The following TKT variants were observed in gnomAD, a reference collection of about 807,000 sequenced individuals.
The protein encoded by TKT is transketolase, also known as epididymis luminal protein 107.
Under a neutral mutation model 63.9 loss-of-function variants are expected in TKT, and 47 were observed. The observed-to-expected ratio is 0.74, with a 90% CI of 0.58 to 0.94. The LOEUF (loss-of-function observed/expected upper bound fraction) is 0.94. Ranked by LOEUF, TKT falls within the 40% of genes least tolerant of loss-of-function variation. The probability of loss-of-function intolerance (pLI) is 0.00; values close to 1 mark genes in which losing one functional copy is unlikely to be tolerated. For synonymous variants in TKT, 338 were observed against 334.1 expected (o/e 1.01, Z -0.13); for missense variants, 721 against 846.2 (o/e 0.85, Z 1.84).
rs1248539472 is a variant in TKT at position 53,225,498 on chromosome 3, G to A, written c.*258C>T. 1 of 354,994 alleles carries A rather than the reference G, an allele frequency of 2.8e-6. No homozygotes were observed. The highest frequency in any genetic ancestry group is 4.5e-5 in the East Asian group (1 of 22,262). The allele number at this position is 354,994 out of a possible 1,614,324, so 22.0% of individuals were successfully genotyped here. On this transcript the variant is annotated 3_prime_UTR_variant, in exon 14 of 14. Transcript: ENST00000462138. Reference sequence around the variant, plus strand: ...GCAGCGATAGTTCTGGAGGTTGAGGGCAGTTGCAGGTGATTCCAAGGGGAC... The same window carrying A: ...GCAGCGATAGTTCTGGAGGTTGAGGACAGTTGCAGGTGATTCCAAGGGGAC...
intron 1 of TKT, among the ~76,000 whole-genome samples, chr3:53,251,469 G>A (rs1311648584): frequency 8.5e-5 from 13 of 152,134 alleles, no homozygotes; most frequent in African/African-American, 2.2e-4. Flanking sequence ...CACTGTGGGC[G>A]CTGCCTCAAC....
chr3:53,244,809 G>A (rs1019051913), intron 1 of TKT, among the ~76,000 whole-genome samples: 3 of 151,494 alleles, frequency 2.0e-5, no homozygotes, highest in African/African-American at 2.4e-5. Context: ...TGAGGAGCAC[G>A]GTGGAGGGGC....
rs574324825 is a variant in TKT at position 53,240,126 on chromosome 3, C to T, written c.437+125G>A. 47 of 832,822 alleles carry T rather than the reference C, an allele frequency of 5.6e-5. No homozygotes were observed. The Middle Eastern group carries it at 1.1e-3, about 20-fold the overall frequency. The allele number at this position is 832,822 out of a possible 1,614,324, so 51.6% of individuals were successfully genotyped here. ...GATGTTTAAAGAGCAAAAGAGGCCA[C>T]GCATATGTATTACTCTGCCCTAGCC... On this transcript the variant is annotated intron_variant, in intron 4 of 13. Transcript: ENST00000462138.
intron 5 of TKT, 118 bp from the exon 6 acceptor site, chr3:53,233,392 C>T (rs1404456558): frequency 4.3e-5 from 28 of 652,618 alleles, no homozygotes; most frequent in Admixed American, 2.2e-4. Context: ...CCCACAACTG[C>T]GGCCTCAGCT....
At chr3:53,240,028 C>T (rs1705200616) in intron 4 of TKT, among the ~76,000 whole-genome samples, 1 of 152,220 alleles carries the variant, frequency 6.6e-6, no homozygotes, top group African/African-American at 2.4e-5. Flanking sequence ...GCTGAGGGAC[C>T]CAGGGCAGGT....
chr3:53,232,619 G>A (rs1039542017), intron 6 of TKT: 4 of 398,248 alleles, frequency 1.0e-5, no homozygotes, highest in Middle Eastern at 6.2e-4. Flanking sequence ...GCCAGGGAGT[G>A]ACTTACGCCT....
chr3:53,240,426 AC>A (rs1241804706), intron 3 of TKT, 78 bp from the exon 4 acceptor site: 7 of 1,382,172 alleles, frequency 5.1e-6, no homozygotes, highest in Non-Finnish European at 7.0e-6. Context: ...CCACACTCCC[AC>A]CCAGCCCAGC....
At position 53,244,751 on chromosome 3, in the gene TKT, G is replaced by A. The variant is rs139668847; in HGVS notation, c.108-2509C>T. Among the ~76,000 whole-genome samples, 912 of 152,120 alleles carry A rather than the reference G, an allele frequency of 6.0e-3. 14 individuals are homozygous for A. The highest frequency in any genetic ancestry group is 0.021 in the African/African-American group (857 of 41,476). ...CAACTGCAGGTGGACGCCCCATCCC[G>A]TGGTGCTGTGTGTGACAACTCTGGG... is the stretch of plus-strand genomic sequence containing the variant. On this transcript the variant is annotated intron_variant, in intron 1 of 13. Coordinates refer to ENST00000462138, the MANE Select transcript of TKT (RefSeq NM_001064.4).
chr3:53,249,575 ACT>A (rs1470370430), intron 1 of TKT, among the ~76,000 whole-genome samples: 3 of 152,186 alleles, frequency 2.0e-5, no homozygotes, highest in African/African-American at 7.2e-5. Flanking sequence ...ACAGAGCGAG[ACT>A]CTGTCAAACA....
chr3:53,252,636 G>T (rs782511595), intron 1 of TKT, among the ~76,000 whole-genome samples: 1 of 152,062 alleles, frequency 6.6e-6, no homozygotes, highest in South Asian at 2.1e-4. Context: ...GAGGGGTAAC[G>T]GCGGTGAGGA....
chr3:53,231,775 T>C, intron 6 of TKT: 2 of 548,308 alleles, frequency 3.6e-6, no homozygotes, highest in South Asian at 2.5e-5. Context: ...TGCCTGGTCC[T>C]TTGGGAGCTC....
intron 4 of TKT, 129 bp downstream of exon 4, chr3:53,240,122 G>T: frequency 1.2e-6 from 1 of 800,232 alleles, no homozygotes; most frequent in Non-Finnish European, 1.9e-6. Flanking sequence ...AGCAAAAGAG[G>T]CCACGCATAT....
At chr3:53,244,656 C>A (rs1553680593) in intron 1 of TKT, among the ~76,000 whole-genome samples, 1 of 152,120 alleles carries the variant, frequency 6.6e-6, no homozygotes, top group African/African-American at 2.4e-5. Context: ...CCTTTGGGGC[C>A]AAAGGCATAC....
At position 53,235,185 on chromosome 3, in the gene TKT, A is replaced by G. The variant is rs200667011; in HGVS notation, c.438-11T>C. On this transcript the variant is annotated splice_polypyrimidine_tract_variant and intron_variant, in intron 4 of 13. Transcript: ENST00000462138. Reference sequence around the variant, plus strand: ...CAATAGACTCGGTAGCTGTGGACAGAGAGTGAATCAGGCCAGTCCCTCTCA... The same window carrying G: ...CAATAGACTCGGTAGCTGTGGACAGGGAGTGAATCAGGCCAGTCCCTCTCA... The G allele has an allele frequency of 2.0e-5, 32 of 1,601,836 alleles. No homozygotes were observed. The African/African-American group carries it at 3.6e-4, about 18-fold the overall frequency.
Position 53,228,073 on chromosome 3 carries a change from G to A in TKT, c.1556C>T (p.Ala519Val), listed in dbSNP as rs563972492. 1 of 1,612,852 alleles carries A rather than the reference G, an allele frequency of 6.2e-7. No homozygotes were observed. Among genetic ancestry groups the A allele is most frequent in the African/African-American group, 1.3e-5 (1 of 75,026 alleles). Residue 519 changes from alanine (A) to valine (V), a missense_variant, in exon 12 of 14, where the codon GCC (alanine) becomes GTC (valine). Physicochemically the swap from Ala to Val is moderately conservative, Grantham distance 64. Transcript: ENST00000462138. ...GVTLHEALAA[A>V]ELLKKEKINI... ...CTCCTCACCTTTCTTCAGCAGTTCG[G>A]CAGCGGCCAAGGCCTCGTGCAGGGT...
chr3:53,228,255 T>C, intron 11 of TKT, 21 bp downstream of exon 11: 2 of 1,614,108 alleles, frequency 1.2e-6, no homozygotes, highest in Non-Finnish European at 1.7e-6. Context: ...TGTGGGCTCC[T>C]GGGGCATGCG....
At chr3:53,252,767 G>A (rs1705812481) in intron 1 of TKT, among the ~76,000 whole-genome samples, 1 of 151,970 alleles carries the variant, frequency 6.6e-6, no homozygotes, top group Non-Finnish European at 1.5e-5. Flanking sequence ...AATATCCACC[G>A]CGGCTGTACC....
At chr3:53,235,982 C>A (rs1241657190) in intron 4 of TKT, among the ~76,000 whole-genome samples, 4 of 35,050 alleles carry the variant, frequency 1.1e-4, no homozygotes, top group African/African-American at 2.4e-4. Flanking sequence ...AGAGGGACGG[C>A]AGCAACAGAC....
At chr3:53,232,221 A>G in intron 6 of TKT, 1 of 398,030 alleles carries the variant, frequency 2.5e-6, no homozygotes, top group Non-Finnish European at 4.4e-6. Flanking sequence ...AGCCCCCAAG[A>G]AGCTGCAAGT....
Sources: gnomAD v4.1 joint callset for allele counts (sites outside exome capture counted in the v4.1 genomes callset) on GRCh38, gnomAD v4.1.1 for gene constraint, MANE v1.5 for transcripts, NCBI Gene and HGNC (gene_info 2026-07-23, HGNC 2026-07-21) for gene names.